Variants in ADGB observed in about 807,000 individuals in gnomAD.
ADGB encodes the protein calpain-7-like protein.
A neutral mutation model predicts 210.5 loss-of-function variants in ADGB; 172 were observed. That is an observed-to-expected ratio of 0.82 (90% CI 0.72 to 0.93). The LOEUF (loss-of-function observed/expected upper bound fraction) is 0.93, where lower values mean the gene tolerates loss of function less well. ADGB is among the 40% of genes least tolerant of loss of function. The pLI is 0.00. For synonymous variants in ADGB, 658 were observed against 662.7 expected, an observed-to-expected ratio of 0.99 and a Z score of 0.11; for missense variants, 2,025 against 1,964.8, an observed-to-expected ratio of 1.03 and a Z score of -0.58.
chr6:146,712,400 C>A (rs1488494814), intron 13 of ADGB, among the ~76,000 whole-genome samples: 1 of 151,782 alleles, frequency 6.6e-6, no homozygotes, highest in African/African-American at 2.4e-5. Flanking sequence ...TTGGCCAGGC[C>A]GGTCTTAAAC....
chr6:146,744,355 C>T (rs1393398956), intron 25 of ADGB, among the ~76,000 whole-genome samples: 1 of 152,200 alleles, frequency 6.6e-6, no homozygotes, highest in Non-Finnish European at 1.5e-5. Context: ...CATCCTGACC[C>T]ATACGAAATT....
chr6:146,663,155 AAT>A (rs1491525222), intron 5 of ADGB, among the ~76,000 whole-genome samples: 5 of 141,260 alleles, frequency 3.5e-5, no homozygotes, highest in Middle Eastern at 3.6e-3. Flanking sequence ...ATAAATATAT[AAT>A]ATATATTTAT....
chr6:146,716,807 T>C (rs1470929699), intron 14 of ADGB, 76 bp from the exon 15 acceptor site: 1 of 1,346,552 alleles, frequency 7.4e-7, no homozygotes, highest in Non-Finnish European at 9.9e-7. Context: ...TATTTAAGTT[T>C]CCCTTTATCA....
chr6:146,797,900 C>CA (rs1441222920), intron 33 of ADGB, among the ~76,000 whole-genome samples: 2 of 148,768 alleles, frequency 1.3e-5, no homozygotes, highest in Non-Finnish European at 3.0e-5. Flanking sequence ...ATCCTGTTCC[C>CA]AAAAAACCTA....
At position 146,785,665 on chromosome 6, in the gene ADGB, C is replaced by T. The variant is rs1424156808; in HGVS notation, c.4268C>T (p.Ala1423Val). The T allele has an allele frequency of 6.4e-7, 1 of 1,551,106 alleles. No homozygotes were observed. The highest frequency in any genetic ancestry group is 8.7e-7 in the Non-Finnish European group (1 of 1,146,638). ...LSGFIKKTSD[A>V]ESPPISESQT... is the part of the protein sequence containing the mutation. ...GGGTTCATTAAGAAAACATCTGATGCTGAGAGTCCGCCTATATCTGAAAGC... is the reference window on the plus strand; with the variant it reads ...GGGTTCATTAAGAAAACATCTGATGTTGAGAGTCCGCCTATATCTGAAAGC... The change falls in exon 32 of 36, where the codon GCT (alanine) becomes GTT (valine). Residue 1423 changes from alanine to valine, a missense_variant. By Grantham distance (64) the Ala-to-Val change is moderately conservative. Coordinates refer to ENST00000397944, the MANE Select transcript of ADGB (RefSeq NM_024694.4).
At chr6:146,776,467 G>A (rs1777723973) in intron 29 of ADGB, among the ~76,000 whole-genome samples, 3 of 151,926 alleles carry the variant, frequency 2.0e-5, no homozygotes, top group Admixed American at 1.3e-4. Context: ...ATTTATGTGA[G>A]AAAAGGTTAC....
intron 17 of ADGB, among the ~76,000 whole-genome samples, 188 bp downstream of exon 17, chr6:146,721,693 C>T (rs563313484): frequency 6.6e-6 from 1 of 152,168 alleles, no homozygotes; most frequent in Admixed American, 6.5e-5. Flanking sequence ...CCAAAATTAG[C>T]CAGGCGTGAT....
In ADGB at chr6:146,801,808, T is replaced by C. The variant is rs1583646204; in HGVS notation, c.4635-20T>C. ...AGTTCCCAAATGAAATCTGTATCTT[T>C]TGATGACTTTTGTATCAAGGAAAAC... is the stretch of plus-strand genomic sequence containing the variant. On this transcript the variant is annotated intron_variant, in intron 34 of 35. Transcript: ENST00000397944. 1.3e-6 allele frequency: 2 copies of C among 1,518,482 alleles called. No individual in the cohort carries two copies. The highest frequency in any genetic ancestry group is 1.3e-5 in the South Asian group (1 of 78,634). 94.1% of individuals were successfully genotyped at this position (1,518,482 alleles called of 1,614,324 possible).
chr6:146,765,353 A>C (rs1387559148), intron 28 of ADGB, among the ~76,000 whole-genome samples: 1 of 152,098 alleles, frequency 6.6e-6, no homozygotes, highest in South Asian at 2.1e-4. Flanking sequence ...ATTTGAAAAA[A>C]AAATCTAAAT....
At chr6:146,661,237 T>G (rs1203893663) in intron 5 of ADGB, among the ~76,000 whole-genome samples, 1 of 116,160 alleles carries the variant, frequency 8.6e-6, no homozygotes, top group East Asian at 2.2e-4. Flanking sequence ...TTTTTTTTTT[T>G]GGAGATAGGG....
rs368118778 is a variant in ADGB at position 146,805,958 on chromosome 6, ATT to A, written c.4818+3948_4818+3949del. Reference sequence around the variant, plus strand: ...CAATAAAGACTATATGTGGACAGATATTCTGTTTAGATTCACTGTTGTGTCCC... The same window carrying A: ...CAATAAAGACTATATGTGGACAGATACTGTTTAGATTCACTGTTGTGTCCC... On this transcript the variant is annotated intron_variant, in intron 35 of 35. Coordinates refer to ENST00000397944, the MANE Select transcript of ADGB (RefSeq NM_024694.4). 3.8e-4 allele frequency among the ~76,000 whole-genome samples: 58 copies of A among 152,338 alleles called. 1 individual carries two copies. Among genetic ancestry groups the A allele is most frequent in the African/African-American group, 1.2e-3 (51 of 41,586 alleles).
At chr6:146,673,022 C>T (rs932668558) in intron 8 of ADGB, among the ~76,000 whole-genome samples, 1 of 152,150 alleles carries the variant, frequency 6.6e-6, no homozygotes, top group African/African-American at 2.4e-5. Flanking sequence ...TGAGCCACTG[C>T]ATCCAGCCCA....
At chr6:146,810,937 T>C (rs1186443745) in intron 35 of ADGB, among the ~76,000 whole-genome samples, 3 of 152,204 alleles carry the variant, frequency 2.0e-5, no homozygotes, top group Non-Finnish European at 2.9e-5. Context: ...AATCATTCAG[T>C]GTACACATAT....
chr6:146,744,057 C>A (rs1179464159), intron 25 of ADGB, among the ~76,000 whole-genome samples: 1 of 152,112 alleles, frequency 6.6e-6, no homozygotes, highest in Non-Finnish European at 1.5e-5. Flanking sequence ...TCCAAACAAC[C>A]TTTGTCCCTG....
chr6:146,731,662 T>C (rs1776989676), intron 20 of ADGB, among the ~76,000 whole-genome samples: 1 of 152,212 alleles, frequency 6.6e-6, no homozygotes, highest in Non-Finnish European at 1.5e-5. Context: ...TAATACCTCA[T>C]GATAATCAAT....
rs74301720 is a variant in ADGB at position 146,633,825 on chromosome 6, A to G, written c.75-1550A>G. Among the ~76,000 whole-genome samples the G allele has an allele frequency of 3.0e-4, 45 of 152,254 alleles. No individual in the cohort carries two copies. The East Asian group carries it at 6.4e-3, about 22-fold the overall frequency. On this transcript the variant is annotated intron_variant, in intron 1 of 35. Coordinates refer to ENST00000397944, the MANE Select transcript of ADGB (RefSeq NM_024694.4). ...AACACTTTGGCCACTGATGAGCCTC[A>G]TATATGAGAGTGGTCATCTAGTAAA...
intron 26 of ADGB, among the ~76,000 whole-genome samples, chr6:146,748,810 C>A (rs960791691): frequency 1.3e-5 from 2 of 152,124 alleles, no homozygotes; most frequent in African/African-American, 4.8e-5. Flanking sequence ...AAACTCTTGG[C>A]CTCAAGCAAT....
At chr6:146,693,001 G>A in intron 12 of ADGB, 86 bp downstream of exon 12, 2 of 684,586 alleles carry the variant, frequency 2.9e-6, no homozygotes, top group East Asian at 2.9e-5. Flanking sequence ...CCAAATGGGA[G>A]CATTTTGAAG....
chr6:146,792,524 CA>C (rs957697660), intron 33 of ADGB, among the ~76,000 whole-genome samples: 7 of 151,952 alleles, frequency 4.6e-5, no homozygotes, highest in African/African-American at 1.7e-4. Context: ...TATACCAGCC[CA>C]GGGGCAGTCA....
Sources: gnomAD v4.1 joint callset for allele counts (sites outside exome capture counted in the v4.1 genomes callset) on GRCh38, gnomAD v4.1.1 for gene constraint, MANE v1.5 for transcripts, NCBI Gene and HGNC (gene_info 2026-07-23, HGNC 2026-07-21) for gene names.